PSIP1: variants seen among roughly 807,000 people sequenced by gnomAD.
PSIP1 encodes PC4 and SFRS1-interacting protein.
PSIP1 carries 19 observed loss-of-function variants against 74.7 expected under a neutral mutation model. The ratio of observed to expected loss-of-function variants is 0.25; its 90% CI spans 0.18 to 0.37. The LOEUF is 0.37. Among genes scored for constraint, PSIP1 ranks in the 10% least tolerant of loss-of-function variants. PSIP1 has a pLI of 1.00. For missense variants in PSIP1, 601 were observed against 614.3 expected (o/e 0.98, Z 0.23); for synonymous variants, 222 against 195.3 (o/e 1.14, Z -1.14).
chr9:15,469,806 TA>T lies in PSIP1; in HGVS notation c.1033+131del, dbSNP rs1389164635. 9.8e-6 allele frequency: 7 copies of T among 714,890 alleles called. No individual in the cohort carries two copies. In the African/African-American group the frequency reaches 1.3e-4, roughly 13 times the overall value. The allele number at this position is 714,890 out of a possible 1,614,324, so 44.3% of individuals were successfully genotyped here. The stretch of plus-strand genomic sequence containing the variant: ...ACAATGCAATTTATATAAAGCCCAT[TA>T]GGGATTTGAAAAATTCTATTTGTAG... On this transcript the variant is annotated intron_variant, in intron 11 of 15. Transcript: ENST00000380733.
chr9:15,490,719 A>C (rs374878749), intron 3 of PSIP1, among the ~76,000 whole-genome samples: 4 of 151,890 alleles, frequency 2.6e-5, no homozygotes, highest in East Asian at 1.9e-4. Context: ...TAATTCAATA[A>C]ATTTGGGTTT....
intron 3 of PSIP1, among the ~76,000 whole-genome samples, chr9:15,502,057 G>A (rs2037373240): frequency 2.0e-5 from 3 of 151,926 alleles, no homozygotes; most frequent in African/African-American, 7.3e-5. Context: ...ACTGTGCACT[G>A]CACATGCAAG....
chr9:15,465,598 A>T lies in PSIP1; in HGVS notation c.1533-18T>A, dbSNP rs767898547. On this transcript the variant is annotated intron_variant, in intron 15 of 15. Transcript: ENST00000380733. ...TGGATGGCCTGAAGAAAAGGGGGAA[A>T]GGTACAACTGGAATTAGGATTTTCT... is the stretch of plus-strand genomic sequence containing the variant. 1 of 1,548,246 alleles carries T rather than the reference A, an allele frequency of 6.5e-7. No individual in the cohort carries two copies. Among genetic ancestry groups the T allele is most frequent in the Non-Finnish European group, 8.9e-7 (1 of 1,129,554 alleles).
chr9:15,471,863 C>T, intron 10 of PSIP1: 1 of 979,172 alleles, frequency 1.0e-6, no homozygotes, highest in Non-Finnish European at 1.2e-6. Context: ...CTCACTAAAA[C>T]AACAACAAAA....
Position 15,469,833 on chromosome 9 carries a change from GAT to G in PSIP1, c.1033+103_1033+104del, listed in dbSNP as rs2035757191. ...GGGATTTGAAAAATTCTATTTGTAGGATATGAGTATAAAATTATTCCAAAACC... is the reference window on the plus strand; with the variant it reads ...GGGATTTGAAAAATTCTATTTGTAGGATGAGTATAAAATTATTCCAAAACC... On this transcript the variant is annotated intron_variant, in intron 11 of 15. Coordinates refer to ENST00000380733, the MANE Select transcript of PSIP1 (RefSeq NM_033222.5). 15 of 905,968 alleles carry G rather than the reference GAT, an allele frequency of 1.7e-5. No homozygotes were observed. The South Asian group carries it at 2.3e-4, about 14-fold the overall frequency. 56.1% of individuals were successfully genotyped at this position (905,968 alleles called of 1,614,324 possible). A position where few individuals can be genotyped will look rare whatever the true frequency, so the allele number is the denominator to read the frequency against.
chr9:15,484,976 A>C (rs2132112788), intron 6 of PSIP1, among the ~76,000 whole-genome samples: 1 of 151,490 alleles, frequency 6.6e-6, no homozygotes, highest in Admixed American at 6.6e-5. Context: ...CCCAGCTATT[A>C]GGGAGGGTAA....
chr9:15,498,373 G>T (rs1354634706), intron 3 of PSIP1, among the ~76,000 whole-genome samples: 2 of 152,096 alleles, frequency 1.3e-5, no homozygotes, highest in African/African-American at 4.8e-5. Flanking sequence ...ACAAGATCGT[G>T]CCACTGCATT....
At chr9:15,478,379 A>G (rs2036188055) in intron 8 of PSIP1, 98 bp downstream of exon 8, 3 of 960,794 alleles carry the variant, frequency 3.1e-6, no homozygotes, top group East Asian at 5.1e-5. Context: ...AATAACAAAC[A>G]TCCTGTAAGA....
At chr9:15,473,783 T>A (rs922356590) in intron 9 of PSIP1, among the ~76,000 whole-genome samples, 7 of 151,800 alleles carry the variant, frequency 4.6e-5, no homozygotes, top group African/African-American at 1.7e-4. Flanking sequence ...TGCCTGTACT[T>A]CCAGCTACTC....
chr9:15,471,816 T>G (rs185888769), intron 10 of PSIP1: 13 of 954,744 alleles, frequency 1.4e-5, no homozygotes, highest in Non-Finnish European at 1.2e-6. Flanking sequence ...CATCATTAAC[T>G]TTGTCTTATT....
chr9:15,476,196 C>T (rs1219720700), intron 8 of PSIP1, among the ~76,000 whole-genome samples: 6 of 152,094 alleles, frequency 3.9e-5, no homozygotes, highest in Non-Finnish European at 5.9e-5. Flanking sequence ...AAGAAATAAA[C>T]GTTGTAAAGG....
In PSIP1 at chr9:15,465,454, C is replaced by T; in HGVS notation, c.*66G>A. 1 of 1,343,060 alleles carries T rather than the reference C, an allele frequency of 7.4e-7. No homozygotes were observed. 83.2% of individuals were successfully genotyped at this position (1,343,060 alleles called of 1,614,324 possible). ...GCTTATAAAAATTTAAAACTTTCAG[C>T]AGTCTATTTCAAATGAAAACCATTA... is the stretch of plus-strand genomic sequence containing the variant. On this transcript the variant is annotated 3_prime_UTR_variant, in exon 16 of 16. Transcript: ENST00000380733.
At chr9:15,506,934 C>T (rs1220533761) in intron 2 of PSIP1, among the ~76,000 whole-genome samples, 2 of 152,136 alleles carry the variant, frequency 1.3e-5, no homozygotes, top group Admixed American at 6.6e-5. Flanking sequence ...TATTCCAGAC[C>T]GCACCAGCAG....
chr9:15,469,393 A>G lies in PSIP1; in HGVS notation c.1034-57T>C, dbSNP rs1207692159. On this transcript the variant is annotated intron_variant, in intron 11 of 15. Transcript: ENST00000380733. ...CAGTTTTTCCAAAACCAGTATTTCT[A>G]TATACAGGCTAAGTATAATGAATTA... The G allele has an allele frequency of 2.0e-5, 21 of 1,075,232 alleles. No individual in the cohort carries two copies. The East Asian group carries it at 2.2e-4, about 11-fold the overall frequency. 66.6% of individuals were successfully genotyped at this position (1,075,232 alleles called of 1,614,324 possible). A position where few individuals can be genotyped will look rare whatever the true frequency, so the allele number is the denominator to read the frequency against.
At chr9:15,510,769 G>A (rs1283255626) in intron 1 of PSIP1, 48 bp downstream of exon 1, 2 of 152,034 alleles carry the variant, frequency 1.3e-5, no homozygotes, top group Non-Finnish European at 2.9e-5. Flanking sequence ...ACAGCCAGGA[G>A]CGACGCCACC....
At chr9:15,489,028 TA>T (rs1167785524) in intron 4 of PSIP1, among the ~76,000 whole-genome samples, 1 of 151,624 alleles carries the variant, frequency 6.6e-6, no homozygotes, top group East Asian at 1.9e-4. Flanking sequence ...TCAAAAAAAA[TA>T]AATTTTTTCT....
At chr9:15,469,861 A>T in intron 11 of PSIP1, 77 bp downstream of exon 11, 1 of 1,259,842 alleles carries the variant, frequency 7.9e-7, no homozygotes, top group Non-Finnish European at 1.1e-6. Context: ...TTCCAAAACC[A>T]ATACATGAAA....
In PSIP1 at chr9:15,510,098, A is replaced by G. The variant is rs1413597937; in HGVS notation, c.72+19T>C. On this transcript the variant is annotated intron_variant, in intron 2 of 15. Transcript: ENST00000380733. ...GAGGAGGGTAGCACTGCTAAGCGCGAGGGCTACAAATCACTTACTCGAGCT... is the reference window on the plus strand; with the variant it reads ...GAGGAGGGTAGCACTGCTAAGCGCGGGGGCTACAAATCACTTACTCGAGCT... 2 of 1,598,972 alleles carry G rather than the reference A, an allele frequency of 1.3e-6. No individual in the cohort carries two copies. Among genetic ancestry groups the G allele is most frequent in the African/African-American group, 1.4e-5 (1 of 73,288 alleles).
At chr9:15,468,451 G>C (rs1192595852) in intron 14 of PSIP1, 179 bp downstream of exon 14, 5 of 785,582 alleles carry the variant, frequency 6.4e-6, no homozygotes, top group Non-Finnish European at 1.1e-5. Context: ...ATGATTTTTT[G>C]TTCTCAATGC....
Sources: gnomAD v4.1 joint callset for allele counts (sites outside exome capture counted in the v4.1 genomes callset) on GRCh38, gnomAD v4.1.1 for gene constraint, MANE v1.5 for transcripts, NCBI Gene and HGNC (gene_info 2026-07-23, HGNC 2026-07-21) for gene names.